Variants in KLHDC10 observed in about 807,000 individuals in gnomAD.
KLHDC10 encodes the protein kelch domain containing 10.
KLHDC10 carries 24 observed loss-of-function variants against 56.1 expected under a neutral mutation model. The ratio of observed to expected loss-of-function variants is 0.43; its 90% CI spans 0.31 to 0.60. The LOEUF is 0.60. Among genes scored for constraint, KLHDC10 ranks in the 20% least tolerant of loss-of-function variants. The probability of loss-of-function intolerance (pLI) is 0.11; values close to 1 mark genes in which losing one functional copy is unlikely to be tolerated. For synonymous variants in KLHDC10, 188 were observed against 207.1 expected, an observed-to-expected ratio of 0.91 and a Z score of 0.79; for missense variants, 349 against 567.0, an observed-to-expected ratio of 0.62 and a Z score of 3.91.
intron 5 of KLHDC10, among the ~76,000 whole-genome samples, chr7:130,123,731 A>G (rs1796280807): frequency 6.6e-6 from 1 of 152,158 alleles, no homozygotes; most frequent in South Asian, 2.1e-4. Context: ...AATGATTTTG[A>G]TGTAGTTTAT....
At chr7:130,129,691 A>T (rs1179364307) in intron 9 of KLHDC10, 115 bp downstream of exon 9, 1 of 946,266 alleles carries the variant, frequency 1.1e-6, no homozygotes, top group East Asian at 2.8e-5. Flanking sequence ...GATTAATAAC[A>T]TATTTTTAAA....
Position 130,096,992 on chromosome 7 carries a change from A to T in KLHDC10, c.238A>T (p.Asn80Tyr), listed in dbSNP as rs1219484225. 3 of 1,604,892 alleles carry T rather than the reference A, an allele frequency of 1.9e-6. No individual in the cohort carries two copies. The South Asian group carries it at 3.3e-5, about 18-fold the overall frequency. ...IQSCPIIRIP[N>Y]RFLRGHRPPP... ...GTCCTGTCCCATCATAAGGATCCCT[A>T]ACAGGTTTTTGAGAGGTGGGTGATA... The change falls in exon 2 of 10, where the codon AAC (asparagine) becomes TAC (tyrosine). Residue 80 changes from asparagine (N) to tyrosine (Y), a missense_variant. This residue lies in a region of KLHDC10 where 245 missense variants were observed against 470.1 expected (regional missense o/e 0.52). Transcript: ENST00000335420.
At chr7:130,072,131 T>A (rs750216093) in intron 1 of KLHDC10, among the ~76,000 whole-genome samples, 3 of 152,210 alleles carry the variant, frequency 2.0e-5, no homozygotes, top group African/African-American at 7.2e-5. Flanking sequence ...TCTTTTTTCT[T>A]ACTCCCAATT....
chr7:130,091,090 G>T (rs1311811636), intron 1 of KLHDC10, among the ~76,000 whole-genome samples: 4 of 152,118 alleles, frequency 2.6e-5, no homozygotes, highest in Admixed American at 2.6e-4. Context: ...TTTCGCTGAA[G>T]GACATTGGGA....
At chr7:130,121,632 T>C (rs1433594036) in intron 4 of KLHDC10, among the ~76,000 whole-genome samples, 1 of 152,220 alleles carries the variant, frequency 6.6e-6, no homozygotes, top group Non-Finnish European at 1.5e-5. Context: ...GTGGAAAACA[T>C]CAGGTTCCTT....
Position 130,108,556 on chromosome 7 carries a change from C to CAAA in KLHDC10, c.254-7874_254-7872dup, listed in dbSNP as rs71175086. On this transcript the variant is annotated intron_variant, in intron 2 of 9. Transcript: ENST00000335420. Reference sequence around the variant, plus strand: ...CGAAACGCCGTCTCTACCAAATATCCAAAAAAAAAAAAAAAAAGCTGGGCG... The same window carrying CAAA: ...CGAAACGCCGTCTCTACCAAATATCCAAAAAAAAAAAAAAAAAAAAGCTGGGCG... 5.5e-4 allele frequency among the ~76,000 whole-genome samples: 47 copies of CAAA among 85,660 alleles called. 23 individuals are homozygous for CAAA. The highest frequency in any genetic ancestry group is 0.012 in the Middle Eastern group (2 of 168). 56.2% of individuals were successfully genotyped at this position (85,660 alleles called of 152,430 possible). A position where few individuals can be genotyped will look rare whatever the true frequency, so the allele number is the denominator to read the frequency against.
At position 130,097,104 on chromosome 7, in the gene KLHDC10, C is replaced by G. The variant is rs758823831; in HGVS notation, c.253+97C>G. ...CAAAACTCTGGTTTTTAAAAATCAT[C>G]TAAACAGCTAATGAAACAGTTGGAA... On this transcript the variant is annotated intron_variant, in intron 2 of 9. Transcript: ENST00000335420. 7 of 749,684 alleles carry G rather than the reference C, an allele frequency of 9.3e-6. No homozygotes were observed. The African/African-American group carries it at 1.2e-4, about 13-fold the overall frequency. 46.4% of individuals were successfully genotyped at this position (749,684 alleles called of 1,614,324 possible). A position where few individuals can be genotyped will look rare whatever the true frequency, so the allele number is the denominator to read the frequency against.
At chr7:130,113,762 T>A (rs1010496455) in intron 2 of KLHDC10, among the ~76,000 whole-genome samples, 3 of 152,236 alleles carry the variant, frequency 2.0e-5, no homozygotes, top group African/African-American at 7.2e-5. Context: ...AACATTACTT[T>A]CCCTGCTGTA....
rs890718525 is a variant in KLHDC10, at chr7:130,116,723, C to T, written c.475+57C>T. Reference sequence around the variant, plus strand: ...TATGAAATGTCTGAGAAGCCAGGTTCAATGTCCCATATTCCTCATTAATAA... The same window carrying T: ...TATGAAATGTCTGAGAAGCCAGGTTTAATGTCCCATATTCCTCATTAATAA... On this transcript the variant is annotated intron_variant, in intron 3 of 9. Transcript: ENST00000335420. The surrounding 1 kb of genome is among the most constrained non-coding windows in gnomAD (Gnocchi z 4.8). 5.3e-6 allele frequency: 7 copies of T among 1,332,978 alleles called. No individual in the cohort carries two copies. The African/African-American group carries it at 1.0e-4, about 19-fold the overall frequency. 82.6% of individuals were successfully genotyped at this position (1,332,978 alleles called of 1,614,324 possible). A position where few individuals can be genotyped will look rare whatever the true frequency, so the allele number is the denominator to read the frequency against.
intron 1 of KLHDC10, among the ~76,000 whole-genome samples, chr7:130,086,560 GTA>G (rs1406674136): frequency 6.6e-6 from 1 of 152,142 alleles, no homozygotes; most frequent in Non-Finnish European, 1.5e-5. Flanking sequence ...GCATATAGGT[GTA>G]TGTTATCTTT....
chr7:130,070,880 GGCTT>G, intron 1 of KLHDC10, 71 bp downstream of exon 1: 10 of 1,173,176 alleles, frequency 8.5e-6, no homozygotes, highest in Non-Finnish European at 1.1e-5. Flanking sequence ...TTTTCTCCCT[GGCTT>G]GCTTTTCCTT....
At chr7:130,129,946 G>T (rs151115533) in intron 9 of KLHDC10, among the ~76,000 whole-genome samples, 1 of 151,992 alleles carries the variant, frequency 6.6e-6, no homozygotes, top group Non-Finnish European at 1.5e-5. Flanking sequence ...CCAGTATTTG[G>T]CATCTTGGAT....
At chr7:130,127,644 G>C (rs1032693527) in intron 8 of KLHDC10, among the ~76,000 whole-genome samples, 193 bp downstream of exon 8, 1 of 152,142 alleles carries the variant, frequency 6.6e-6, no homozygotes, top group African/African-American at 2.4e-5. Context: ...TGGTGTTTGG[G>C]TTCCTTCAGT....
chr7:130,129,636 G>C (rs1338522471), intron 9 of KLHDC10, 60 bp downstream of exon 9: 1 of 1,521,972 alleles, frequency 6.6e-7, no homozygotes, highest in East Asian at 2.3e-5. Flanking sequence ...AATCTTTTTA[G>C]AGATATTAGC....
intron 1 of KLHDC10, among the ~76,000 whole-genome samples, chr7:130,077,315 C>T (rs1232474056): frequency 2.6e-5 from 3 of 115,694 alleles, no homozygotes; most frequent in African/African-American, 1.0e-4. Flanking sequence ...GATTGTGCCA[C>T]TGCACTCCAG....
chr7:130,074,421 T>C (rs1377707018), intron 1 of KLHDC10, among the ~76,000 whole-genome samples: 1 of 152,144 alleles, frequency 6.6e-6, no homozygotes, highest in Non-Finnish European at 1.5e-5. Context: ...GATTTGATAC[T>C]CTTGAGATGT....
At chr7:130,095,680 T>C (rs1289985366) in intron 1 of KLHDC10, among the ~76,000 whole-genome samples, 1 of 152,180 alleles carries the variant, frequency 6.6e-6, no homozygotes, top group Admixed American at 6.5e-5. Flanking sequence ...ACAAGTTCTG[T>C]AGTAAGCAAA....
Position 130,116,741 on chromosome 7 carries a change from A to C in KLHDC10, c.475+75A>C. ...CCAGGTTCAATGTCCCATATTCCTC[A>C]TTAATAATTTATAACACTATAATGT... is the stretch of plus-strand genomic sequence containing the variant. On this transcript the variant is annotated intron_variant, in intron 3 of 9. Transcript: ENST00000335420. This position sits in a 1 kb window ranked among gnomAD's most constrained non-coding sequence, Gnocchi z 4.8. 4 of 1,198,094 alleles carry C rather than the reference A, an allele frequency of 3.3e-6. No individual in the cohort carries two copies. Among genetic ancestry groups the C allele is most frequent in the South Asian group, 1.2e-5 (1 of 81,316 alleles). 74.2% of individuals were successfully genotyped at this position (1,198,094 alleles called of 1,614,324 possible).
intron 1 of KLHDC10, 56 bp from the exon 2 acceptor site, chr7:130,096,864 GT>G (rs1283701090): frequency 8.6e-7 from 1 of 1,163,066 alleles, no homozygotes; most frequent in Admixed American, 1.8e-5. Context: ...CAGTAACTAT[GT>G]ATTATTTGCA....
Sources: gnomAD v4.1 joint callset for allele counts (sites outside exome capture counted in the v4.1 genomes callset) on GRCh38, gnomAD v4.1.1 for gene constraint, gnomAD v4.1.1 regional missense constraint, Gnocchi (gnomAD v3.1) non-coding constraint, MANE v1.5 for transcripts, NCBI Gene and HGNC (gene_info 2026-07-23, HGNC 2026-07-21) for gene names.